Variants in ACCS observed in about 807,000 individuals in gnomAD.
ACCS encodes the protein 1-aminocyclopropane-1-carboxylate synthase-like protein 1.
In ACCS, 42 loss-of-function variants were observed where a neutral mutation model predicts 59.8. The ratio of observed to expected loss-of-function variants is 0.70; its 90% confidence interval spans 0.55 to 0.91. ACCS has a LOEUF of 0.91. Ranked by LOEUF, ACCS falls within the 40% of genes least tolerant of loss-of-function variation. The probability of loss-of-function intolerance (pLI) is 0.00; values close to 1 mark genes in which losing one functional copy is unlikely to be tolerated. For synonymous variants in ACCS, 230 were observed against 240.3 expected, an observed-to-expected ratio of 0.96 and a Z score of 0.40; for missense variants, 602 against 630.4, an observed-to-expected ratio of 0.95 and a Z score of 0.48.
intron 9 of ACCS, 178 bp from the exon 10 acceptor site, chr11:44,079,353 T>C: frequency 1.7e-6 from 1 of 595,816 alleles, no homozygotes; most frequent in East Asian, 2.9e-5. Context: ...CTGCTCTGTA[T>C]GTGTGGCTTT....
chr11:44,079,746 A>T, intron 10 of ACCS, 126 bp downstream of exon 10: 1 of 752,594 alleles, frequency 1.3e-6, no homozygotes, highest in Non-Finnish European at 2.2e-6. Context: ...AGCTGGTCCC[A>T]CTGGTCCTCA....
In ACCS at chr11:44,083,194, G is replaced by A. The variant is rs138046571; in HGVS notation, c.1137G>A (p.Pro379=). The A allele has an allele frequency of 1.4e-5, 23 of 1,614,152 alleles. No individual in the cohort carries two copies. Among genetic ancestry groups the A allele is most frequent in the African/African-American group, 8.0e-5 (6 of 75,026 alleles). The part of the protein sequence containing the change: ...DRDWINQVYL[P]ENHARLKAAH... ...ACTGGATCAACCAGGTGTACCTGCCGGAAAACCATGCCCGGCTCAAGGCTG... is the reference window on the plus strand; with the variant it reads ...ACTGGATCAACCAGGTGTACCTGCCAGAAAACCATGCCCGGCTCAAGGCTG... Residue 379 remains proline (P), a synonymous_variant, in exon 13 of 15, where the codon CCG becomes CCA. Coordinates refer to ENST00000263776, the MANE Select transcript of ACCS (RefSeq NM_032592.4).
intron 8 of ACCS, chr11:44,078,403 C>G (rs779808281): frequency 7.7e-5 from 31 of 404,104 alleles, no homozygotes; most frequent in Non-Finnish European, 1.3e-4. Context: ...GCTATACATA[C>G]TCACTGTAGG....
At chr11:44,073,310 A>G in intron 3 of ACCS, 137 bp from the exon 4 acceptor site, 4 of 750,552 alleles carry the variant, frequency 5.3e-6, no homozygotes, top group Non-Finnish European at 6.9e-6. Context: ...CAACATGGGT[A>G]TGAGAAAGCT....
At position 44,074,046 on chromosome 11, in the gene ACCS, C is replaced by T. The variant is rs1190612045; in HGVS notation, c.419+529C>T. On this transcript the variant is annotated intron_variant, in intron 4 of 14. Transcript: ENST00000263776. ...CTTGATCCCAAGACTGATTGTAAAG[C>T]ACGTGTTCTTCTAGTGTAGTAATCA... 3.9e-5 allele frequency among the ~76,000 whole-genome samples: 6 copies of T among 152,164 alleles called. No individual in the cohort carries two copies. The South Asian group carries it at 8.3e-4, about 21-fold the overall frequency.
chr11:44,074,161 T>A (rs1482623862), intron 4 of ACCS, among the ~76,000 whole-genome samples: 3 of 152,144 alleles, frequency 2.0e-5, no homozygotes, highest in African/African-American at 7.2e-5. Context: ...AATCTTAGTT[T>A]TTGTTTCTTT....
In ACCS at chr11:44,084,038, G is replaced by A. The variant is rs975392819; in HGVS notation, c.*246G>A. On this transcript the variant is annotated 3_prime_UTR_variant, in exon 15 of 15. Coordinates refer to ENST00000263776, the MANE Select transcript of ACCS (RefSeq NM_032592.4). ...GAGAGTCCATATGTCTCCATTGTGA[G>A]TTATTTAGAATGGAGGAGTCGTGAC... 4.2e-6 allele frequency: 3 copies of A among 708,488 alleles called. No homozygotes were observed. The highest frequency in any genetic ancestry group is 3.4e-5 in the Admixed American group (1 of 29,534). The allele number at this position is 708,488 out of a possible 1,614,324, so 43.9% of individuals were successfully genotyped here. A position where few individuals can be genotyped will look rare whatever the true frequency, so the allele number is the denominator to read the frequency against.
chr11:44,080,979 A>T (rs1221902021), intron 10 of ACCS, 41 bp from the exon 11 acceptor site: 3 of 1,612,536 alleles, frequency 1.9e-6, no homozygotes, highest in Non-Finnish European at 2.5e-6. Flanking sequence ...GGGTTTCCAT[A>T]GTTCTGTGTT....
chr11:44,074,354 A>G (rs940781075), intron 4 of ACCS, among the ~76,000 whole-genome samples: 8 of 152,096 alleles, frequency 5.3e-5, no homozygotes, highest in African/African-American at 1.9e-4. Context: ...ATAATTAGCT[A>G]GATCTCCATG....
chr11:44,074,774 TTTTCTCTCTC>T lies in ACCS; in HGVS notation c.489+95_489+104del, dbSNP rs1565175593. On this transcript the variant is annotated intron_variant, in intron 5 of 14. Coordinates refer to ENST00000263776, the MANE Select transcript of ACCS (RefSeq NM_032592.4). ...TTTCTTTCTTTCTTTCTTTCTTTCT[TTTTCTCTCTC>T]TCTCTCTTTCTCTCCTTCCTTCCTT... 2.4e-4 allele frequency: 92 copies of T among 385,476 alleles called. 2 individuals carry two copies. Among genetic ancestry groups the T allele is most frequent in the Admixed American group, 4.0e-4 (6 of 14,994 alleles). 23.9% of individuals were successfully genotyped at this position (385,476 alleles called of 1,614,324 possible). A position where few individuals can be genotyped will look rare whatever the true frequency, so the allele number is the denominator to read the frequency against.
At chr11:44,072,584 C>G (rs1953112629) in intron 3 of ACCS, among the ~76,000 whole-genome samples, 1 of 151,758 alleles carries the variant, frequency 6.6e-6, no homozygotes, top group African/African-American at 2.4e-5. Context: ...AAAAAGATGC[C>G]AGGTAAAAAC....
Position 44,071,315 on chromosome 11 carries a change from G to C in ACCS, c.348G>C (p.Arg116=). 6.2e-7 allele frequency: 1 copy of C among 1,614,040 alleles called. No individual in the cohort carries two copies. The highest frequency in any genetic ancestry group is 8.5e-7 in the Non-Finnish European group (1 of 1,179,934). ...TCTGCTTTGACCTGCTGTCCTGGCG[G>C]GTAAGTCCTAGGGCCCCTCTAGGGG... ...NKLCFDLLSW[R]LSQRDMQRVE... Residue 116 remains arginine, a splice_region_variant and synonymous_variant, in exon 3 of 15, where the codon CGG becomes CGC. Coordinates refer to ENST00000263776, the MANE Select transcript of ACCS (RefSeq NM_032592.4).
chr11:44,077,597 C>A, intron 7 of ACCS: 3 of 1,435,812 alleles, frequency 2.1e-6, no homozygotes, highest in Non-Finnish European at 2.7e-6. Flanking sequence ...AAGAGCCAGA[C>A]CCAGAAACAG....
Position 44,075,545 on chromosome 11 carries a change from G to A in ACCS, c.509G>A (p.Gly170Asp), listed in dbSNP as rs898041235. 4 of 1,614,198 alleles carry A rather than the reference G, an allele frequency of 2.5e-6. No individual in the cohort carries two copies. Among genetic ancestry groups the A allele is most frequent in the South Asian group, 1.1e-5 (1 of 91,082 alleles). ...CCTTAGGTGGTTGTCCTGAATGGTGGTGCCTCGCTCTTCTCTGCTCTGGCC... is the reference window on the plus strand; with the variant it reads ...CCTTAGGTGGTTGTCCTGAATGGTGATGCCTCGCTCTTCTCTGCTCTGGCC... ...RPENVVVLNG[G>D]ASLFSALATV... Residue 170 changes from glycine (G) to aspartate (D), a missense_variant, in exon 6 of 15, where the codon GGT becomes GAT. By Grantham distance (94) the Gly-to-Asp change is moderately conservative. Transcript: ENST00000263776.
intron 12 of ACCS, among the ~76,000 whole-genome samples, chr11:44,082,702 A>G (rs560444423): frequency 6.6e-6 from 1 of 152,200 alleles, no homozygotes; most frequent in Middle Eastern, 3.4e-3. Context: ...TGGTTACATA[A>G]ATGTACACAT....
At chr11:44,077,221 G>C in intron 6 of ACCS, 58 bp from the exon 7 acceptor site, 1 of 1,564,026 alleles carries the variant, frequency 6.4e-7, no homozygotes. Flanking sequence ...ACAGTGGACA[G>C]AGGGTCTGGG....
chr11:44,081,113 A>C (rs370431731), intron 11 of ACCS, 48 bp downstream of exon 11: 2 of 1,614,168 alleles, frequency 1.2e-6, no homozygotes, highest in South Asian at 2.2e-5. Context: ...GGGAGGGCAG[A>C]GAGGTGGGTG....
rs3107275 is a variant in ACCS, at chr11:44,083,431, C to T, written c.1262C>T (p.Pro421Leu). The change falls in exon 14 of 15, where the codon CCC becomes CTC. Residue 421 changes from proline to leucine, a missense_variant. Pro to Leu is a moderately conservative substitution (Grantham distance 98). Coordinates refer to ENST00000263776, the MANE Select transcript of ACCS (RefSeq NM_032592.4). ...CCCCTTCCACCCTCTCAGTACCTGC[C>T]CAAGGGCACCTTTGAGGAGGAAATG... ...FIWVDLRKYLPKGTFEEEMLL... is the reference protein window; with the variant it reads ...FIWVDLRKYLLKGTFEEEMLL... 644,159 of 1,613,662 alleles carry T rather than the reference C, an allele frequency of 0.4. 130,112 individuals are homozygous for T. Among genetic ancestry groups the T allele is most frequent in the Middle Eastern group, 0.45 (2,706 of 6,060 alleles).
chr11:44,082,906 TG>T (rs1341924351), intron 12 of ACCS, among the ~76,000 whole-genome samples: 2 of 152,204 alleles, frequency 1.3e-5, no homozygotes, highest in Admixed American at 1.3e-4. Context: ...TTCTTTATCC[TG>T]GGGGACTTTG....
Sources: gnomAD v4.1 joint callset for allele counts (sites outside exome capture counted in the v4.1 genomes callset) on GRCh38, gnomAD v4.1.1 for gene constraint, MANE v1.5 for transcripts, NCBI Gene and HGNC (gene_info 2026-07-23, HGNC 2026-07-21) for gene names.